TRMT1L: variants seen among roughly 807,000 people sequenced by gnomAD.
TRMT1L encodes the protein tRNA (guanine(27)-N(2))-dimethyltransferase.
In TRMT1L, 28 loss-of-function variants were observed where a neutral mutation model predicts 81.6. The ratio of observed to expected loss-of-function variants is 0.34; its 90% confidence interval spans 0.25 to 0.47. The LOEUF (loss-of-function observed/expected upper bound fraction) is 0.47. Among genes scored for constraint, TRMT1L ranks in the 20% least tolerant of loss-of-function variants. TRMT1L has a pLI of 1.00. For synonymous variants in TRMT1L, 301 were observed against 303.2 expected, an observed-to-expected ratio of 0.99 and a Z score of 0.07; for missense variants, 739 against 877.1, an observed-to-expected ratio of 0.84 and a Z score of 1.99.
intron 1 of TRMT1L, among the ~76,000 whole-genome samples, chr1:185,154,352 T>C (rs544223023): frequency 6.6e-6 from 1 of 152,308 alleles, no homozygotes; most frequent in African/African-American, 2.4e-5. Flanking sequence ...TGCCTGGTTA[T>C]TCACCTCATT....
At chr1:185,131,684 AT>A (rs1204122906) in intron 10 of TRMT1L, among the ~76,000 whole-genome samples, 2 of 152,180 alleles carry the variant, frequency 1.3e-5, no homozygotes, top group Non-Finnish European at 2.9e-5. Context: ...GAAAATAAAA[AT>A]TAAGGAAAAA....
chr1:185,136,655 C>A (rs190543044), intron 10 of TRMT1L, among the ~76,000 whole-genome samples: 23 of 152,188 alleles, frequency 1.5e-4, no homozygotes, highest in African/African-American at 5.3e-4. Context: ...AAGAGCAATA[C>A]AGGAACACTG....
chr1:185,124,008 A>G (rs1571341906), intron 12 of TRMT1L, 89 bp from the exon 13 acceptor site: 1 of 721,736 alleles, frequency 1.4e-6, no homozygotes, highest in East Asian at 3.1e-5. Flanking sequence ...ATGAAATTCC[A>G]TCCACACTAT....
At chr1:185,124,805 A>G in intron 12 of TRMT1L, 139 bp downstream of exon 12, 1 of 752,854 alleles carries the variant, frequency 1.3e-6, no homozygotes, top group East Asian at 3.0e-5. Context: ...CCAGAGGATC[A>G]GACTCATTAG....
Position 185,124,994 on chromosome 1 carries a change from G to A in TRMT1L, c.1709C>T (p.Thr570Met), listed in dbSNP as rs768558944. 21 of 1,612,704 alleles carry A rather than the reference G, an allele frequency of 1.3e-5. No homozygotes were observed. Among genetic ancestry groups the A allele is most frequent in the Middle Eastern group, 1.6e-4 (1 of 6,062 alleles). ...ATGAATTGAAAACTGACTTTGAGGCGTACACTCTGATTCAAAGATTAATGT... is the reference window on the plus strand; with the variant it reads ...ATGAATTGAAAACTGACTTTGAGGCATACACTCTGATTCAAAGATTAATGT... ...IKTLIFESEC[T>M]PQSQFSIHAS... The change falls in exon 12 of 15, where the codon ACG (threonine) becomes ATG (methionine). Residue 570 changes from threonine (T) to methionine (M), a missense_variant. Physicochemically the swap from Thr to Met is moderately conservative, Grantham distance 81. This residue lies in a region of TRMT1L where 196 missense variants were observed against 232.6 expected (regional missense o/e 0.84). Coordinates refer to ENST00000367506, the MANE Select transcript of TRMT1L (RefSeq NM_030934.5).
chr1:185,137,786 G>C lies in TRMT1L; in HGVS notation c.1333C>G (p.Arg445Gly), dbSNP rs746929885. 6.2e-7 allele frequency: 1 copy of C among 1,611,396 alleles called. No individual in the cohort carries two copies. Among genetic ancestry groups the C allele is most frequent in the Non-Finnish European group, 8.5e-7 (1 of 1,179,360 alleles). Residue 445 changes from arginine (R) to glycine (G), a missense_variant, in exon 10 of 15, where the codon CGA becomes GGA. Around this residue, in one of 4 missense-constraint regions of TRMT1L, gnomAD observed 331 missense variants for 462.2 expected, o/e 0.72. Transcript: ENST00000367506. ...VVAAVARAAA[R>G]CNKGIEVLFA... is the part of the protein sequence containing the mutation. ...AGTACTTCTATGCCTTTGTTGCATC[G>C]GGCTGCAGCTCTACAATAAATTTTT...
intron 4 of TRMT1L, 123 bp from the exon 5 acceptor site, chr1:185,145,691 C>T (rs959117018): frequency 2.1e-6 from 2 of 938,668 alleles, no homozygotes; most frequent in Non-Finnish European, 3.0e-6. Context: ...TTAATTTTGC[C>T]ATGTGACTTT....
chr1:185,152,051 G>T, intron 1 of TRMT1L, 116 bp from the exon 2 acceptor site: 1 of 514,048 alleles, frequency 1.9e-6, no homozygotes. Context: ...GACCTAGATG[G>T]GGAATACTGC....
intron 3 of TRMT1L, 33 bp from the exon 4 acceptor site, chr1:185,147,279 GTTCA>G (rs1355092754): frequency 6.7e-7 from 1 of 1,495,684 alleles, no homozygotes. Flanking sequence ...ATCATACATT[GTTCA>G]TTAAATATTC....
chr1:185,127,278 T>G (rs1235533203), intron 11 of TRMT1L, among the ~76,000 whole-genome samples: 2 of 152,236 alleles, frequency 1.3e-5, no homozygotes, highest in Non-Finnish European at 2.9e-5. Context: ...AAGGTAGGGC[T>G]GGCTAGATCT....
rs991843069 is a variant in TRMT1L, at chr1:185,147,215, A to G, written c.492T>C (p.Cys164=). Residue 164 remains cysteine (C), a synonymous_variant, in exon 4 of 15, where the codon TGT becomes TGC. Coordinates refer to ENST00000367506, the MANE Select transcript of TRMT1L (RefSeq NM_030934.5). ...CAATAATGTTTGGTTTCACTGGTCGACAAGGTAAGTGACAGATGCACATCC... is the reference window on the plus strand; with the variant it reads ...CAATAATGTTTGGTTTCACTGGTCGGCAAGGTAAGTGACAGATGCACATCC... ...GYRMCICHLP[C]RPVKPNIIGE... The G allele has an allele frequency of 5.6e-6, 9 of 1,611,058 alleles. No individual in the cohort carries two copies. Among genetic ancestry groups the G allele is most frequent in the Non-Finnish European group, 7.6e-6 (9 of 1,178,146 alleles).
Position 185,125,083 on chromosome 1 carries a change from G to A in TRMT1L, c.1620C>T (p.Phe540=). 6.2e-7 allele frequency: 1 copy of A among 1,610,766 alleles called. No individual in the cohort carries two copies. Among genetic ancestry groups the A allele is most frequent in the South Asian group, 1.1e-5 (1 of 90,494 alleles). The change falls in exon 12 of 15, where the codon TTC becomes TTT. Residue 540 remains phenylalanine (F), a synonymous_variant. Transcript: ENST00000367506. Reference sequence around the variant, plus strand: ...GAGATTCAAATAGCATTCTTTTGAGGAATCCAGTATTGAAAAGGGAACTTG... The same window carrying A: ...GAGATTCAAATAGCATTCTTTTGAGAAATCCAGTATTGAAAAGGGAACTTG... ...LWSSSLFNTG[F]LKRMLFESLH...
intron 6 of TRMT1L, among the ~76,000 whole-genome samples, 170 bp downstream of exon 6, chr1:185,143,736 A>G (rs1557990724): frequency 6.6e-6 from 1 of 152,102 alleles, no homozygotes. Context: ...TGATAAAGAC[A>G]TCGGCTTGTT....
intron 11 of TRMT1L, 56 bp from the exon 12 acceptor site, chr1:185,125,166 A>AC (rs1342364572): frequency 7.2e-7 from 1 of 1,379,680 alleles, no homozygotes; most frequent in African/African-American, 1.5e-5. Context: ...CTCTTTAAAA[A>AC]GAAAGTCTTC....
Position 185,118,739 on chromosome 1 carries a change from G to T in TRMT1L, c.*1280C>A, listed in dbSNP as rs1213875009. On this transcript the variant is annotated 3_prime_UTR_variant, in exon 15 of 15. Coordinates refer to ENST00000367506, the MANE Select transcript of TRMT1L (RefSeq NM_030934.5). ...GGAATACGCTGTACTAGCACGAAGA[G>T]ATTTTCCTTCATTTCTGCAAAATTA... 1 of 151,990 alleles carries T rather than the reference G, an allele frequency of 6.6e-6. No individual in the cohort carries two copies. The highest frequency in any genetic ancestry group is 1.5e-5 in the Non-Finnish European group (1 of 67,976). 9.4% of individuals were successfully genotyped at this position (151,990 alleles called of 1,614,324 possible). A position where few individuals can be genotyped will look rare whatever the true frequency, so the allele number is the denominator to read the frequency against.
intron 13 of TRMT1L, among the ~76,000 whole-genome samples, chr1:185,122,595 A>G (rs570660228): frequency 1.3e-5 from 2 of 152,272 alleles, no homozygotes; most frequent in East Asian, 1.9e-4. Flanking sequence ...TTTATTCTAA[A>G]AAGGATTTAA....
chr1:185,124,431 TCATG>T (rs1652572738), intron 12 of TRMT1L, among the ~76,000 whole-genome samples: 1 of 151,898 alleles, frequency 6.6e-6, no homozygotes, highest in Non-Finnish European at 1.5e-5. Context: ...GCATGGTGGT[TCATG>T]CCTGTAATCC....
chr1:185,124,737 A>G, intron 12 of TRMT1L: 1 of 344,614 alleles, frequency 2.9e-6, no homozygotes, highest in Non-Finnish European at 5.1e-6. Context: ...TTCATCATTC[A>G]CCTATTCATC....
At chr1:185,150,347 T>C (rs778216131) in intron 3 of TRMT1L, 32 bp downstream of exon 3, 149 of 1,453,578 alleles carry the variant, frequency 1.0e-4, no homozygotes, top group Non-Finnish European at 1.3e-4. Context: ...ATTTCATATA[T>C]ATTACTTCTT....
Sources: gnomAD v4.1 joint callset for allele counts (sites outside exome capture counted in the v4.1 genomes callset) on GRCh38, gnomAD v4.1.1 for gene constraint, gnomAD v4.1.1 regional missense constraint, MANE v1.5 for transcripts, NCBI Gene and HGNC (gene_info 2026-07-23, HGNC 2026-07-21) for gene names.